Variants in FOXP1 observed in about 807,000 individuals in gnomAD.
The protein encoded by FOXP1 is forkhead box P1.
Under a neutral mutation model 98.2 loss-of-function variants are expected in FOXP1, and 15 were observed. The ratio of observed to expected loss-of-function variants is 0.15; its 90% confidence interval spans 0.10 to 0.24. The LOEUF is 0.24. Ranked by LOEUF, FOXP1 falls within the 10% of genes least tolerant of loss-of-function variation. The pLI is 1.00. For missense variants in FOXP1, 633 were observed against 848.5 expected, an observed-to-expected ratio of 0.75 and a Z score of 3.15; for synonymous variants, 371 against 314.5, an observed-to-expected ratio of 1.18 and a Z score of -1.90.
At chr3:71,433,714 G>A (rs564575837) in intron 3 of FOXP1, among the ~76,000 whole-genome samples, 16 of 152,316 alleles carry the variant, frequency 1.1e-4, no homozygotes, top group Middle Eastern at 6.8e-3. Context: ...CTGCTAGCCT[G>A]TTTTTCTGTT....
intron 5 of FOXP1, among the ~76,000 whole-genome samples, chr3:71,282,432 T>G (rs1388239528): frequency 6.6e-6 from 1 of 152,062 alleles, no homozygotes; most frequent in Non-Finnish European, 1.5e-5. Flanking sequence ...TTAACCTCCT[T>G]GAGAACTTAC....
intron 6 of FOXP1, among the ~76,000 whole-genome samples, chr3:71,135,184 A>T (rs2059759696): frequency 6.9e-6 from 1 of 145,174 alleles, no homozygotes; most frequent in South Asian, 2.2e-4. Flanking sequence ...GCTTGAACCC[A>T]GGAGGTGGAG....
intron 6 of FOXP1, among the ~76,000 whole-genome samples, chr3:71,186,641 G>A (rs1484974369): frequency 6.6e-6 from 1 of 152,200 alleles, no homozygotes; most frequent in Non-Finnish European, 1.5e-5. Context: ...AACCCGGGAG[G>A]TGGAGGTTGC....
At chr3:71,119,246 T>C (rs1179869864) in intron 6 of FOXP1, among the ~76,000 whole-genome samples, 1 of 152,206 alleles carries the variant, frequency 6.6e-6, no homozygotes, top group Admixed American at 6.5e-5. Context: ...TGATAGCAGT[T>C]CAGATCAGTA....
chr3:71,197,288 C>T (rs1319025849), intron 6 of FOXP1, among the ~76,000 whole-genome samples: 3 of 151,960 alleles, frequency 2.0e-5, no homozygotes, highest in Non-Finnish European at 2.9e-5. Context: ...AGAACAAAAC[C>T]GGTCATAAAC....
At chr3:71,427,972 T>C (rs943038576) in intron 3 of FOXP1, among the ~76,000 whole-genome samples, 1 of 152,020 alleles carries the variant, frequency 6.6e-6, no homozygotes, top group Non-Finnish European at 1.5e-5. Flanking sequence ...AAAGATCAGC[T>C]CAAAACAGGG....
At chr3:71,449,391 T>C (rs2086733377) in intron 3 of FOXP1, among the ~76,000 whole-genome samples, 2 of 152,316 alleles carry the variant, frequency 1.3e-5, no homozygotes, top group South Asian at 4.1e-4. Flanking sequence ...AAGTGAAATG[T>C]AATTTTCATG....
At chr3:71,286,954 C>T (rs566254521) in intron 5 of FOXP1, among the ~76,000 whole-genome samples, 25 of 152,212 alleles carry the variant, frequency 1.6e-4, no homozygotes, top group African/African-American at 5.8e-4. Flanking sequence ...CCAACACAGA[C>T]GTAGTTACAA....
At chr3:71,040,756 A>T (rs2048233458) in intron 11 of FOXP1, among the ~76,000 whole-genome samples, 1 of 152,162 alleles carries the variant, frequency 6.6e-6, no homozygotes, top group Admixed American at 6.6e-5. Context: ...GAGTATATAC[A>T]ACAGATCCCC....
chr3:71,162,881 T>TA (rs765097264), intron 6 of FOXP1, among the ~76,000 whole-genome samples: 2 of 152,210 alleles, frequency 1.3e-5, no homozygotes, highest in Non-Finnish European at 2.9e-5. Flanking sequence ...TTACATTTGA[T>TA]AAAATCTTCC....
intron 6 of FOXP1, among the ~76,000 whole-genome samples, chr3:71,135,830 C>T (rs548540295): frequency 5.5e-4 from 84 of 152,298 alleles, no homozygotes; most frequent in Non-Finnish European, 1.0e-3. Context: ...AAAACGGCAG[C>T]GACCCACCCA....
At chr3:71,043,971 A>C (rs1008560213) in intron 10 of FOXP1, among the ~76,000 whole-genome samples, 1 of 152,238 alleles carries the variant, frequency 6.6e-6, no homozygotes, top group African/African-American at 2.4e-5. Flanking sequence ...AAGTGACAAC[A>C]GCGATACTTC....
chr3:71,512,036 G>A (rs142717505), intron 2 of FOXP1, among the ~76,000 whole-genome samples: 1 of 152,286 alleles, frequency 6.6e-6, no homozygotes, highest in African/African-American at 2.4e-5. Flanking sequence ...CTCAGCCCTT[G>A]ACATAGATTT....
intron 18 of FOXP1, 33 bp downstream of exon 18, chr3:70,972,501 TACTTGTTAGCACAATCCAAGC>T (rs2036479755): frequency 2.5e-6 from 4 of 1,611,982 alleles, no homozygotes; most frequent in Non-Finnish European, 3.4e-6. Context: ...CTCTACGTTA[TACTTGTTAGCACAATCCAAGC>T]TAGGCTAAGA....
intron 7 of FOXP1, among the ~76,000 whole-genome samples, chr3:71,090,423 C>A (rs534900355): frequency 3.9e-5 from 6 of 152,228 alleles, no homozygotes; most frequent in Non-Finnish European, 7.4e-5. Flanking sequence ...AGGAGAACCA[C>A]CCTTGGGGGG....
At chr3:71,487,057 T>C (rs1438956816) in intron 3 of FOXP1, among the ~76,000 whole-genome samples, 3 of 152,030 alleles carry the variant, frequency 2.0e-5, no homozygotes, top group African/African-American at 4.8e-5. Context: ...GGTTTGGCTC[T>C]CACATCACCA....
At chr3:71,027,251 A>G (rs1004464374) in intron 11 of FOXP1, among the ~76,000 whole-genome samples, 1 of 152,156 alleles carries the variant, frequency 6.6e-6, no homozygotes, top group Non-Finnish European at 1.5e-5. Flanking sequence ...ACCCAAAAAA[A>G]CCAACGACCG....
intron 2 of FOXP1, among the ~76,000 whole-genome samples, chr3:71,509,346 G>A (rs1431169258): frequency 6.6e-6 from 1 of 152,012 alleles, no homozygotes; most frequent in Non-Finnish European, 1.5e-5. Flanking sequence ...CCTCTTTTTG[G>A]CCATCTTCCC....
At chr3:71,127,068 A>G (rs2059261508) in intron 6 of FOXP1, among the ~76,000 whole-genome samples, 1 of 152,162 alleles carries the variant, frequency 6.6e-6, no homozygotes, top group Non-Finnish European at 1.5e-5. Context: ...TTCAGGAGCC[A>G]AACAACCCAG....
Sources: gnomAD v4.1 joint callset for allele counts (sites outside exome capture counted in the v4.1 genomes callset) on GRCh38, gnomAD v4.1.1 for gene constraint, MANE v1.5 for transcripts, NCBI Gene and HGNC (gene_info 2026-07-23, HGNC 2026-07-21) for gene names.